Variants in FAM83C observed in about 807,000 individuals in gnomAD.
FAM83C encodes the protein scaffolding CK1 anchoring protein C.
A neutral mutation model predicts 27.1 loss-of-function variants in FAM83C; 23 were observed. That is an observed-to-expected ratio of 0.85 (90% CI 0.61 to 1.20). The LOEUF (loss-of-function observed/expected upper bound fraction) is 1.20, where lower values mean the gene tolerates loss of function less well. FAM83C is among the 50% of genes most tolerant of loss of function. The pLI is 0.00. For missense variants in FAM83C, 984 were observed against 1,001.3 expected (o/e 0.98, Z 0.23); for synonymous variants, 426 against 423.1 (o/e 1.01, Z -0.09).
chr20:35,288,666 G>A, intron 2 of FAM83C, 81 bp from the exon 3 acceptor site: 1 of 1,576,210 alleles, frequency 6.3e-7, no homozygotes, highest in Non-Finnish European at 8.6e-7. Flanking sequence ...TCTAACCCCA[G>A]ACAGCTAAGG....
At chr20:35,289,093 C>A in intron 1 of FAM83C, 135 bp from the exon 2 acceptor site, 1 of 1,151,530 alleles carries the variant, frequency 8.7e-7, no homozygotes, top group Non-Finnish European at 1.2e-6. Flanking sequence ...CCTTCAAGAG[C>A]AAGTGAACAG....
At chr20:35,288,005 A>G in intron 3 of FAM83C, 33 bp from the exon 4 acceptor site, 1 of 1,539,038 alleles carries the variant, frequency 6.5e-7, no homozygotes, top group African/African-American at 1.4e-5. Context: ...GTCAGGAGGC[A>G]AAGTGCAGGA....
rs138625315 is a variant in FAM83C at position 35,287,895 on chromosome 20, C to T, written c.884G>A (p.Arg295Gln). ...LRGRIVEDFD[R>Q]EFRCLYAESQ... ...CTCAGCGTACAGACAGCGGAACTCCCGGTCAAAGTCTTCCACGATGCGGCC... is the reference window on the plus strand; with the variant it reads ...CTCAGCGTACAGACAGCGGAACTCCTGGTCAAAGTCTTCCACGATGCGGCC... The change falls in exon 4 of 4, where the codon CGG (arginine) becomes CAG (glutamine). Residue 295 changes from arginine to glutamine, a missense_variant. Coordinates refer to ENST00000374408, the MANE Select transcript of FAM83C (RefSeq NM_178468.6). 34 of 1,557,682 alleles carry T rather than the reference C, an allele frequency of 2.2e-5. 1 individual carries two copies. The highest frequency in any genetic ancestry group is 4.7e-5 in the South Asian group (4 of 84,738).
intron 1 of FAM83C, 88 bp downstream of exon 1, chr20:35,291,704 C>T (rs1414005635): frequency 2.6e-5 from 40 of 1,545,560 alleles, no homozygotes; most frequent in South Asian, 1.2e-4. Flanking sequence ...GCCCCTAAGT[C>T]GCTGTGTGGC....
chr20:35,287,795 G>C lies in FAM83C; in HGVS notation c.984C>G (p.Ala328=). 1 of 1,603,556 alleles carries C rather than the reference G, an allele frequency of 6.2e-7. No homozygotes were observed. The highest frequency in any genetic ancestry group is 1.3e-5 in the African/African-American group (1 of 74,786). ...SPRALRPPPV[A]LAFRPDVPSP... Reference sequence around the variant, plus strand: ...TTGGGACATCAGGCCTGAAGGCTAGGGCCACAGGGGGAGGACGCAGTGCCC... The same window carrying C: ...TTGGGACATCAGGCCTGAAGGCTAGCGCCACAGGGGGAGGACGCAGTGCCC... Residue 328 remains alanine, a synonymous_variant, in exon 4 of 4, where the codon GCC becomes GCG. Transcript: ENST00000374408.
At position 35,292,171 on chromosome 20, in the gene FAM83C, G is replaced by T. The variant is rs746844050; in HGVS notation, c.134C>A (p.Ala45Asp). The T allele has an allele frequency of 1.3e-6, 2 of 1,597,138 alleles. No individual in the cohort carries two copies. Among genetic ancestry groups the T allele is most frequent in the Non-Finnish European group, 1.7e-6 (2 of 1,179,094 alleles). Residue 45 changes from alanine to aspartate, a missense_variant, in exon 1 of 4, where the codon GCT becomes GAT. Transcript: ENST00000374408. The stretch of plus-strand genomic sequence containing the variant: ...CAGGAGGGCGTCGGCCGCCAGCCGA[G>T]CCGCCTCGCTGTGCCGCAGCACCAG... ...SPLVLRHSEA[A>D]RLAADALLER...
Position 35,292,179 on chromosome 20 carries a change from G to A in FAM83C, c.126C>T (p.Ser42=), listed in dbSNP as rs1189536252. 7 of 1,596,636 alleles carry A rather than the reference G, an allele frequency of 4.4e-6. No individual in the cohort carries two copies. Among genetic ancestry groups the A allele is most frequent in the East Asian group, 2.2e-5 (1 of 44,828 alleles). ...RESSPLVLRH[S]EAARLAADAL... ...CGTCGGCCGCCAGCCGAGCCGCCTC[G>A]CTGTGCCGCAGCACCAGCGGTGAGC... The change falls in exon 1 of 4, where the codon AGC becomes AGT. Residue 42 remains serine, a synonymous_variant. Transcript: ENST00000374408.
At chr20:35,289,825 C>CA (rs1057080780) in intron 1 of FAM83C, among the ~76,000 whole-genome samples, 6 of 152,174 alleles carry the variant, frequency 3.9e-5, no homozygotes, top group African/African-American at 1.2e-4. Flanking sequence ...TCCTTCTGTG[C>CA]ACCGAGTGTT....
intron 1 of FAM83C, among the ~76,000 whole-genome samples, chr20:35,289,383 C>T (rs1199892333): frequency 6.6e-6 from 1 of 151,972 alleles, no homozygotes; most frequent in East Asian, 1.9e-4. Flanking sequence ...CTCTGTTGCC[C>T]AGGCTGGAGT....
At position 35,285,864 on chromosome 20, in the gene FAM83C, A is replaced by AATG. The variant is rs138836224; in HGVS notation, c.*668_*670dup. 0.011 allele frequency: 1,675 copies of AATG among 156,276 alleles called. 30 individuals carry two copies. The highest frequency in any genetic ancestry group is 0.036 in the African/African-American group (1,505 of 41,452). The allele number at this position is 156,276 out of a possible 1,614,324, so 9.7% of individuals were successfully genotyped here. A position where few individuals can be genotyped will look rare whatever the true frequency, so the allele number is the denominator to read the frequency against. On this transcript the variant is annotated 3_prime_UTR_variant, in exon 4 of 4. Transcript: ENST00000374408. ...CACTCAGCAAGATGATGACGACGAC[A>AATG]ATGATGATGATGATGATGATGACTC...
intron 1 of FAM83C, 70 bp from the exon 2 acceptor site, chr20:35,289,028 G>T: frequency 6.5e-7 from 1 of 1,539,882 alleles, no homozygotes; most frequent in Non-Finnish European, 8.7e-7. Context: ...CAAACCTGGG[G>T]CAGGAAACTG....
intron 1 of FAM83C, among the ~76,000 whole-genome samples, chr20:35,289,997 G>A (rs1332697328): frequency 6.6e-6 from 1 of 152,148 alleles, no homozygotes; most frequent in Non-Finnish European, 1.5e-5. Flanking sequence ...GCCCAGCTCT[G>A]ACCCAGGGAC....
Position 35,291,914 on chromosome 20 carries a change from C to T in FAM83C, c.391G>A (p.Gly131Ser), listed in dbSNP as rs778127255. Residue 131 changes from glycine (G) to serine (S), a missense_variant, in exon 1 of 4, where the codon GGC (glycine) becomes AGC (serine). Gly to Ser is a moderately conservative substitution (Grantham distance 56, BLOSUM62 0). Coordinates refer to ENST00000374408, the MANE Select transcript of FAM83C (RefSeq NM_178468.6). ...GTGGCCTGTGGCACCTCGGGCCAGCCCAGGTCCAGGTCTGGGGGGTCTATG... is the reference window on the plus strand; with the variant it reads ...GTGGCCTGTGGCACCTCGGGCCAGCTCAGGTCCAGGTCTGGGGGGTCTATG... ...SDIDPPDLDLGWPEVPQATGF... is the reference protein window; with the variant it reads ...SDIDPPDLDLSWPEVPQATGF... 9 of 1,612,590 alleles carry T rather than the reference C, an allele frequency of 5.6e-6. No individual in the cohort carries two copies. The Admixed American group carries it at 1.5e-4, about 27-fold the overall frequency.
chr20:35,286,403 C>G lies in FAM83C; in HGVS notation c.*132G>C. On this transcript the variant is annotated 3_prime_UTR_variant, in exon 4 of 4. Transcript: ENST00000374408. Reference sequence around the variant, plus strand: ...TGTGTGTGTACACAAGAATCTTGAGCCCAGAGAGTGTGTCTGACCTGGGTT... The same window carrying G: ...TGTGTGTGTACACAAGAATCTTGAGGCCAGAGAGTGTGTCTGACCTGGGTT... The G allele has an allele frequency of 1.4e-6, 1 of 726,760 alleles. No individual in the cohort carries two copies. Among genetic ancestry groups the G allele is most frequent in the South Asian group, 1.9e-5 (1 of 53,404 alleles). 45.0% of individuals were successfully genotyped at this position (726,760 alleles called of 1,614,324 possible).
rs767565396 is a variant in FAM83C at position 35,287,465 on chromosome 20, G to C, written c.1314C>G (p.Thr438=). 1 of 1,614,094 alleles carries C rather than the reference G, an allele frequency of 6.2e-7. No homozygotes were observed. The highest frequency in any genetic ancestry group is 8.5e-7 in the Non-Finnish European group (1 of 1,180,032). ...ALNHNSTSPL[T]LAVGSPLLPR... The stretch of plus-strand genomic sequence containing the variant: ...GAAGCAGAGGTGACCCCACTGCCAA[G>C]GTTAAGGGGCTGGTACTATTATGGT... Residue 438 remains threonine, a synonymous_variant, in exon 4 of 4, where the codon ACC becomes ACG. Transcript: ENST00000374408.
chr20:35,287,767 G>T lies in FAM83C; in HGVS notation c.1012C>A (p.Pro338Thr), dbSNP rs755720524. The T allele has an allele frequency of 1.2e-5, 20 of 1,612,518 alleles. No individual in the cohort carries two copies. In the South Asian group the frequency reaches 1.9e-4, roughly 15 times the overall value. ...GTGCTGGAGGGCAGGGACGACGTGGGGCTTGGGACATCAGGCCTGAAGGCT... is the reference window on the plus strand; with the variant it reads ...GTGCTGGAGGGCAGGGACGACGTGGTGCTTGGGACATCAGGCCTGAAGGCT... ...ALAFRPDVPS[P>T]TSSLPSSTSL... Residue 338 changes from proline (P) to threonine (T), a missense_variant, in exon 4 of 4, where the codon CCC becomes ACC. Pro to Thr is a conservative substitution (Grantham distance 38, BLOSUM62 -1). Transcript: ENST00000374408.
rs768827826 is a variant in FAM83C, at chr20:35,287,850, A to T, written c.929T>A (p.Phe310Tyr). Residue 310 changes from phenylalanine to tyrosine, a missense_variant, in exon 4 of 4, where the codon TTC becomes TAC. Coordinates refer to ENST00000374408, the MANE Select transcript of FAM83C (RefSeq NM_178468.6). The part of the protein sequence containing the change: ...LYAESQPVEG[F>Y]CGGEDPLSPR... ...AGACAGCGGGTCCTCACCGCCACAG[A>T]AGCCCTCCACAGGCTGCGACTCAGC... 6.4e-6 allele frequency: 10 copies of T among 1,569,760 alleles called. No individual in the cohort carries two copies. In the South Asian group the frequency reaches 1.2e-4, roughly 18 times the overall value.
rs750447827 is a variant in FAM83C at position 35,288,802 on chromosome 20, C to G, written c.670G>C (p.Glu224Gln). ...EMCYKMDLNG[E>Q]HLPNMRVRST... ...TGGTCCTCACTGACCGGCAGGTGCT[C>G]CCCATTGAGGTCCATCTTGTAGCAC... The change falls in exon 2 of 4, where the codon GAG (glutamate) becomes CAG (glutamine). Residue 224 changes from glutamate to glutamine, a missense_variant. Physicochemically the swap from Glu to Gln is conservative, Grantham distance 29. Transcript: ENST00000374408. 7.4e-6 allele frequency: 12 copies of G among 1,611,054 alleles called. No homozygotes were observed. In the South Asian group the frequency reaches 1.3e-4, roughly 18 times the overall value.
intron 3 of FAM83C, among the ~76,000 whole-genome samples, chr20:35,288,201 T>C (rs1033688671): frequency 1.4e-5 from 2 of 140,862 alleles, no homozygotes; most frequent in African/African-American, 5.8e-5. Context: ...TCAAATGGAC[T>C]TGGGGGAGGT....
Sources: allele counts gnomAD v4.1 joint callset (sites outside exome capture counted in the v4.1 genomes callset), GRCh38; gene constraint gnomAD v4.1.1; transcripts MANE v1.5; gene names NCBI Gene and HGNC (gene_info 2026-07-23, HGNC 2026-07-21).